The following EIF4E variants were observed in gnomAD, a reference collection of about 807,000 sequenced individuals.
EIF4E encodes the protein eIF-4F 25 kDa subunit.
For synonymous variants in EIF4E, 71 were observed against 88.5 expected (o/e 0.80, Z 1.11); for missense variants, 113 against 265.6 (o/e 0.43, Z 3.99).
chr4:98,887,971 C>G lies in EIF4E; in HGVS notation c.222-19G>C. On this transcript the variant is annotated intron_variant, in intron 3 of 6. Transcript: ENST00000450253. This position sits in a 1 kb window ranked among gnomAD's most constrained non-coding sequence, Gnocchi z 4.0. The stretch of plus-strand genomic sequence containing the variant: ...GTACAGACTAGGTAAAAGAAAATAA[C>G]AATTAAAAACACAGAATATGTAATA... The G allele has an allele frequency of 6.3e-7, 1 of 1,591,260 alleles. No homozygotes were observed. Among genetic ancestry groups the G allele is most frequent in the South Asian group, 1.1e-5 (1 of 90,174 alleles).
At chr4:98,921,560 C>A (rs976313196) in intron 1 of EIF4E, among the ~76,000 whole-genome samples, 1 of 151,768 alleles carries the variant, frequency 6.6e-6, no homozygotes, top group Non-Finnish European at 1.5e-5. Flanking sequence ...GTAGAGATTA[C>A]AATGACAGTA....
chr4:98,914,238 C>A (rs1725275012), intron 1 of EIF4E, among the ~76,000 whole-genome samples: 1 of 151,544 alleles, frequency 6.6e-6, no homozygotes, highest in Non-Finnish European at 1.5e-5. Flanking sequence ...TGCCTGTAAT[C>A]CCAGCTACTT....
intron 6 of EIF4E, among the ~76,000 whole-genome samples, chr4:98,884,208 T>C (rs944545896): frequency 2.0e-5 from 3 of 152,178 alleles, no homozygotes; most frequent in Non-Finnish European, 4.4e-5. Context: ...ACATATACTA[T>C]TTGCCAATAA....
chr4:98,924,968 G>A (rs1226311632), intron 1 of EIF4E, among the ~76,000 whole-genome samples: 1 of 152,138 alleles, frequency 6.6e-6, no homozygotes, highest in South Asian at 2.1e-4. Context: ...GATTATCGAG[G>A]AACTCTGATA....
At chr4:98,902,806 G>A (rs1724706630) in intron 1 of EIF4E, among the ~76,000 whole-genome samples, 1 of 151,994 alleles carries the variant, frequency 6.6e-6, no homozygotes, top group Admixed American at 6.6e-5. Flanking sequence ...AGGAGTTTGA[G>A]ACCAGCCTGG....
At chr4:98,902,995 C>T (rs1005082018) in intron 1 of EIF4E, among the ~76,000 whole-genome samples, 1 of 152,180 alleles carries the variant, frequency 6.6e-6, no homozygotes, top group African/African-American at 2.4e-5. Flanking sequence ...TGGAACCTAA[C>T]AAGATGGACA....
chr4:98,915,643 C>A (rs1266953932), intron 1 of EIF4E, among the ~76,000 whole-genome samples: 1 of 151,528 alleles, frequency 6.6e-6, no homozygotes. Flanking sequence ...CAGGTTCAAG[C>A]AATTCTCCTG....
At chr4:98,889,356 T>C (rs1724057234) in intron 3 of EIF4E, among the ~76,000 whole-genome samples, 1 of 152,170 alleles carries the variant, frequency 6.6e-6, no homozygotes, top group Non-Finnish European at 1.5e-5. Context: ...TAAGTGACTA[T>C]AAAATTAGCG....
chr4:98,910,173 T>C (rs1290826253), intron 1 of EIF4E, among the ~76,000 whole-genome samples: 1 of 152,168 alleles, frequency 6.6e-6, no homozygotes, highest in Non-Finnish European at 1.5e-5. Flanking sequence ...GCTGTGGATT[T>C]TGCAGTCTTC....
At chr4:98,916,670 C>T (rs1278653923) in intron 1 of EIF4E, among the ~76,000 whole-genome samples, 1 of 152,160 alleles carries the variant, frequency 6.6e-6, no homozygotes, top group Non-Finnish European at 1.5e-5. Flanking sequence ...AGAATAATTT[C>T]AGACTCATCA....
At chr4:98,926,319 G>A (rs1725863499) in intron 1 of EIF4E, 1 of 152,218 alleles carries the variant, frequency 6.6e-6, no homozygotes, top group Non-Finnish European at 1.5e-5. Flanking sequence ...AAGACGGGCG[G>A]ATCACCTGAG....
chr4:98,917,991 G>A (rs997853588), intron 1 of EIF4E, among the ~76,000 whole-genome samples: 5 of 152,090 alleles, frequency 3.3e-5, no homozygotes, highest in South Asian at 2.1e-4. Context: ...CAGGATGATC[G>A]CTTGAACGTG....
At chr4:98,908,711 C>T (rs114850624) in intron 1 of EIF4E, among the ~76,000 whole-genome samples, 2,174 of 152,258 alleles carry the variant, frequency 0.014, 15 homozygotes, top group Non-Finnish European at 0.02. Context: ...AGGCCATGTG[C>T]TACATTATTT....
chr4:98,928,912 A>T, intron 1 of EIF4E, 183 bp downstream of exon 1: 5 of 1,564,642 alleles, frequency 3.2e-6, no homozygotes, highest in South Asian at 1.2e-5. Context: ...TGTGCGCTAC[A>T]CGCCGCCTCG....
rs142124606 is a variant in EIF4E at position 98,883,154 on chromosome 4, C to T, written c.539+1768G>A. On this transcript the variant is annotated intron_variant, in intron 6 of 6. Transcript: ENST00000450253. ...TACTGCAGTGGTTCAGGCCTGTGGT[C>T]CCAGCTATTCAGGAGGCTGAGGCAA... Among the ~76,000 whole-genome samples the T allele has an allele frequency of 8.0e-3, 1,221 of 151,914 alleles. 10 individuals carry two copies. Among genetic ancestry groups the T allele is most frequent in the Admixed American group, 0.012 (186 of 15,262 alleles).
intron 5 of EIF4E, chr4:98,886,659 A>G (rs1723933455): frequency 2.9e-6 from 1 of 340,896 alleles, no homozygotes; most frequent in Non-Finnish European, 5.7e-6. Flanking sequence ...GGCTGAAATG[A>G]GCCATATAAA....
At chr4:98,898,123 G>A (rs901209134) in intron 2 of EIF4E, among the ~76,000 whole-genome samples, 2 of 151,974 alleles carry the variant, frequency 1.3e-5, no homozygotes, top group African/African-American at 4.8e-5. Context: ...AAAGGGGGGG[G>A]AAAAAAGAAA....
intron 1 of EIF4E, among the ~76,000 whole-genome samples, chr4:98,904,117 T>C (rs1313777580): frequency 6.7e-6 from 1 of 149,356 alleles, no homozygotes; most frequent in Non-Finnish European, 1.5e-5. Flanking sequence ...CTGGTTGGCC[T>C]AACAGAGAAG....
chr4:98,919,839 G>T (rs867026661), intron 1 of EIF4E, among the ~76,000 whole-genome samples: 2 of 151,990 alleles, frequency 1.3e-5, no homozygotes, highest in Non-Finnish European at 2.9e-5. Flanking sequence ...GATTACAGGC[G>T]TGAGCCACCA....
Sources: allele counts gnomAD v4.1 joint callset (sites outside exome capture counted in the v4.1 genomes callset), GRCh38; gene constraint gnomAD v4.1.1; non-coding constraint Gnocchi (gnomAD v3.1); transcripts MANE v1.5; gene names NCBI Gene and HGNC (gene_info 2026-07-23, HGNC 2026-07-21).